Variants in ARHGAP29 observed in about 807,000 individuals in gnomAD.
ARHGAP29 encodes Rho GTPase activating protein 29.
Under a neutral mutation model 122.6 loss-of-function variants are expected in ARHGAP29, and 43 were observed. That is an observed-to-expected ratio of 0.35 (90% CI 0.27 to 0.45). ARHGAP29 has a LOEUF of 0.45. Ranked by LOEUF, ARHGAP29 falls within the 20% of genes least tolerant of loss-of-function variation. The probability of loss-of-function intolerance (pLI) is 1.00; values close to 1 mark genes in which losing one functional copy is unlikely to be tolerated. For synonymous variants in ARHGAP29, 506 were observed against 497.1 expected, an observed-to-expected ratio of 1.02 and a Z score of -0.24; for missense variants, 1,303 against 1,477.2, an observed-to-expected ratio of 0.88 and a Z score of 1.93.
chr1:94,224,464 A>C (rs1441849878), intron 2 of ARHGAP29, among the ~76,000 whole-genome samples: 1 of 152,222 alleles, frequency 6.6e-6, no homozygotes, highest in Admixed American at 6.5e-5. Flanking sequence ...AAACTACAAA[A>C]TACTAATGGC....
intron 1 of ARHGAP29, among the ~76,000 whole-genome samples, chr1:94,243,991 T>G (rs965484952): frequency 8.6e-5 from 13 of 151,992 alleles, no homozygotes; most frequent in Non-Finnish European, 1.3e-4. Flanking sequence ...ACAGAAAATG[T>G]TAATAGCACT....
chr1:94,301,251 T>C, the ARHGAP29 span, among the ~76,000 whole-genome samples: 9 of 152,338 alleles, frequency 5.9e-5, no homozygotes, highest in East Asian at 1.7e-3. Flanking sequence ...CCTTTTGATC[T>C]AGTGAATTAG....
At chr1:94,254,683 T>C (rs1379773604) in intron 1 of ARHGAP29, among the ~76,000 whole-genome samples, 3 of 152,164 alleles carry the variant, frequency 2.0e-5, no homozygotes, top group African/African-American at 7.2e-5. Context: ...AGTAGACCGG[T>C]AGGCAAGTGG....
upstream of ARHGAP29, among the ~76,000 whole-genome samples, chr1:94,239,884 G>A (rs1310008447): frequency 2.6e-5 from 4 of 152,080 alleles, no homozygotes; most frequent in African/African-American, 9.7e-5. Flanking sequence ...AAACCTAACA[G>A]TACTAATATG....
chr1:94,202,819 C>G, intron 10 of ARHGAP29, 87 bp from the exon 11 acceptor site: 2 of 1,543,192 alleles, frequency 1.3e-6, no homozygotes, highest in South Asian at 2.5e-5. Context: ...ATAGTTAAGA[C>G]AATATTTTAG....
upstream of ARHGAP29, among the ~76,000 whole-genome samples, chr1:94,275,849 T>A (rs1419428633): frequency 6.6e-6 from 1 of 152,088 alleles, no homozygotes; most frequent in Non-Finnish European, 1.5e-5. Context: ...AGTTTTTGGG[T>A]TTTGGGTTTT....
intron 19 of ARHGAP29, 94 bp from the exon 20 acceptor site, chr1:94,180,051 C>A (rs1649358582): frequency 1.3e-6 from 1 of 799,156 alleles, no homozygotes; most frequent in East Asian, 2.7e-5. Context: ...TAGCATGTCC[C>A]TTTACATTAA....
chr1:94,302,832 G>A, the ARHGAP29 span: 2 of 243,400 alleles, frequency 8.2e-6, no homozygotes, highest in Non-Finnish European at 1.6e-5. Context: ...GCCATCGGGG[G>A]CATCGTGGGC....
the ARHGAP29 span, among the ~76,000 whole-genome samples, chr1:94,281,026 C>T: frequency 9.9e-3 from 1,502 of 152,258 alleles, 23 homozygotes; most frequent in African/African-American, 0.033. Flanking sequence ...GACACAGAAA[C>T]ATTTCAATCC....
the ARHGAP29 span, chr1:94,302,163 T>C: frequency 3.7e-6 from 1 of 273,228 alleles, no homozygotes; most frequent in South Asian, 4.4e-5. Flanking sequence ...TGGTCTACCA[T>C]GGAATCACAT....
chr1:94,182,402 C>G (rs898526656), intron 19 of ARHGAP29, among the ~76,000 whole-genome samples: 1 of 151,986 alleles, frequency 6.6e-6, no homozygotes, highest in South Asian at 2.1e-4. Flanking sequence ...AAATGAGCAG[C>G]AAAATGGGAA....
At chr1:94,202,361 C>T (rs971922107) in intron 11 of ARHGAP29, 183 bp downstream of exon 11, 1 of 674,182 alleles carries the variant, frequency 1.5e-6, no homozygotes, top group Non-Finnish European at 2.5e-6. Flanking sequence ...CCAACAGCAT[C>T]AGCACGACCT....
intron 11 of ARHGAP29, chr1:94,202,172 C>A: frequency 2.2e-6 from 1 of 454,732 alleles, no homozygotes; most frequent in Non-Finnish European, 3.8e-6. Flanking sequence ...ATCAATAATA[C>A]AAAGCTTTTG....
intron 2 of ARHGAP29, among the ~76,000 whole-genome samples, chr1:94,226,384 C>A (rs1652612938): frequency 6.6e-6 from 1 of 151,688 alleles, no homozygotes; most frequent in Non-Finnish European, 1.5e-5. Context: ...CACAAAAACC[C>A]CATTATCTCC....
At chr1:94,206,899 AAT>A (rs1553207514) in intron 5 of ARHGAP29, among the ~76,000 whole-genome samples, 2 of 150,070 alleles carry the variant, frequency 1.3e-5, no homozygotes, top group Non-Finnish European at 1.5e-5. Context: ...TGTCTCAAAA[AAT>A]ATATATATAT....
chr1:94,277,100 A>G (rs1276417272), upstream of ARHGAP29, among the ~76,000 whole-genome samples: 2 of 152,184 alleles, frequency 1.3e-5, no homozygotes, highest in Non-Finnish European at 2.9e-5. Flanking sequence ...CACAGCAGGA[A>G]CTTTCCCAAA....
chr1:94,214,920 C>G (rs1241372409), intron 3 of ARHGAP29, among the ~76,000 whole-genome samples: 1 of 151,978 alleles, frequency 6.6e-6, no homozygotes, highest in African/African-American at 2.4e-5. Flanking sequence ...CTATATAACA[C>G]CTATAAAATT....
chr1:94,261,847 T>G (rs754201369), intron 1 of ARHGAP29, among the ~76,000 whole-genome samples: 1 of 152,228 alleles, frequency 6.6e-6, no homozygotes, highest in African/African-American at 2.4e-5. Context: ...ATTTATAGAT[T>G]CAATGCTATT....
chr1:94,264,453 C>G (rs1654683027), intron 1 of ARHGAP29, among the ~76,000 whole-genome samples: 1 of 152,070 alleles, frequency 6.6e-6, no homozygotes, highest in Non-Finnish European at 1.5e-5. Flanking sequence ...CTTTGGCTCA[C>G]AGGCTGAAAC....
Sources: gnomAD v4.1 joint callset for allele counts (sites outside exome capture counted in the v4.1 genomes callset) on GRCh38, gnomAD v4.1.1 for gene constraint, MANE v1.5 for transcripts, NCBI Gene and HGNC (gene_info 2026-07-23, HGNC 2026-07-21) for gene names.